The following ABAT variants were observed in gnomAD, a reference collection of about 807,000 sequenced individuals.
ABAT encodes 4-aminobutyrate aminotransferase, mitochondrial.
A neutral mutation model predicts 64.6 loss-of-function variants in ABAT; 45 were observed. The ratio of observed to expected loss-of-function variants is 0.70; its 90% CI spans 0.55 to 0.89. The LOEUF (loss-of-function observed/expected upper bound fraction) is 0.89. Ranked by LOEUF, ABAT falls within the 40% of genes least tolerant of loss-of-function variation. The pLI is 0.00. For synonymous variants in ABAT, 297 were observed against 250.5 expected, an observed-to-expected ratio of 1.19 and a Z score of -1.75; for missense variants, 633 against 658.4, an observed-to-expected ratio of 0.96 and a Z score of 0.42.
At chr16:8,696,114 A>G (rs2057696041) in intron 1 of ABAT, among the ~76,000 whole-genome samples, 1 of 152,232 alleles carries the variant, frequency 6.6e-6, no homozygotes. Flanking sequence ...AGTACAGGAC[A>G]GAGCTGGGAC....
At chr16:8,740,863 G>T (rs1454785988) in intron 2 of ABAT, among the ~76,000 whole-genome samples, 1 of 152,166 alleles carries the variant, frequency 6.6e-6, no homozygotes, top group Non-Finnish European at 1.5e-5. Flanking sequence ...AAATAAGTGG[G>T]GTGGACAGTT....
chr16:8,717,892 C>T (rs115923637), intron 1 of ABAT, among the ~76,000 whole-genome samples: 14 of 151,982 alleles, frequency 9.2e-5, no homozygotes, highest in South Asian at 2.1e-4. Context: ...TGGGCTCAAG[C>T]GATCCTCTCA....
intron 1 of ABAT, among the ~76,000 whole-genome samples, chr16:8,694,687 A>G (rs145382522): frequency 2.3e-3 from 353 of 152,234 alleles, no homozygotes; most frequent in African/African-American, 7.7e-3. Context: ...GCCAGCTATG[A>G]AAGATTTTGT....
At chr16:8,746,127 T>G in intron 3 of ABAT, 29 bp downstream of exon 3, 1 of 1,586,436 alleles carries the variant, frequency 6.3e-7, no homozygotes. Context: ...AGTGGGGTAT[T>G]TTGGAAAAGG....
intron 1 of ABAT, among the ~76,000 whole-genome samples, chr16:8,691,112 A>T (rs2057569844): frequency 6.6e-6 from 1 of 151,986 alleles, no homozygotes; most frequent in Admixed American, 6.6e-5. Flanking sequence ...GTCAAACCAC[A>T]CTTGCCCATA....
At position 8,707,577 on chromosome 16, in the gene ABAT, G is replaced by A. The variant is rs183479567; in HGVS notation, c.-41-28122G>A. ...CTCAAGCTGATGACCATGTAATTGT[G>A]GTTATGTTCAAGAAGTGAGAGCTAA... On this transcript the variant is annotated intron_variant, in intron 1 of 15. Transcript: ENST00000268251. 2.0e-5 allele frequency among the ~76,000 whole-genome samples: 3 copies of A among 152,084 alleles called. No homozygotes were observed. In the East Asian group the frequency reaches 5.8e-4, roughly 29 times the overall value.
chr16:8,748,450 G>C (rs1001404171), intron 4 of ABAT, among the ~76,000 whole-genome samples: 1 of 152,198 alleles, frequency 6.6e-6, no homozygotes, highest in Admixed American at 6.5e-5. Context: ...TTATGGCCTA[G>C]CGTATGGTCT....
intron 1 of ABAT, among the ~76,000 whole-genome samples, chr16:8,706,939 G>T (rs1331839155): frequency 6.6e-6 from 1 of 152,188 alleles, no homozygotes; most frequent in Non-Finnish European, 1.5e-5. Context: ...AATGGCAGGT[G>T]CAAAGGCCCT....
intron 1 of ABAT, among the ~76,000 whole-genome samples, chr16:8,691,327 A>T (rs1399027124): frequency 2.6e-5 from 4 of 152,086 alleles, no homozygotes; most frequent in African/African-American, 9.7e-5. Flanking sequence ...TGGGATTTGA[A>T]CCCCTTCACC....
intron 2 of ABAT, among the ~76,000 whole-genome samples, chr16:8,739,127 G>C (rs1440110523): frequency 6.6e-6 from 1 of 152,218 alleles, no homozygotes; most frequent in South Asian, 2.1e-4. Context: ...CAAGTGCTGT[G>C]CTGGGTATTA....
chr16:8,727,136 G>C (rs946664771), intron 1 of ABAT, among the ~76,000 whole-genome samples: 1 of 152,136 alleles, frequency 6.6e-6, no homozygotes, highest in East Asian at 1.9e-4. Context: ...CTCTTGTTCT[G>C]TGGGTTGCCT....
chr16:8,732,475 C>T lies in ABAT; in HGVS notation c.-41-3224C>T, dbSNP rs1035308222. Among the ~76,000 whole-genome samples, 45 of 150,996 alleles carry T rather than the reference C, an allele frequency of 3.0e-4. 1 individual carries two copies. Among genetic ancestry groups the T allele is most frequent in the Middle Eastern group, 3.4e-3 (1 of 294 alleles). ...CTGTTTAACAAAGCACATCTTGCAC[C>T]GCCCTTAATCCATTTAACCCTGAGT... On this transcript the variant is annotated intron_variant, in intron 1 of 15. Transcript: ENST00000268251.
chr16:8,754,340 G>A (rs1221461140), intron 5 of ABAT, among the ~76,000 whole-genome samples: 1 of 152,086 alleles, frequency 6.6e-6, no homozygotes, highest in Non-Finnish European at 1.5e-5. Flanking sequence ...GGGCAACAGA[G>A]TGAGACCATG....
intron 1 of ABAT, among the ~76,000 whole-genome samples, chr16:8,724,359 C>T (rs1043469146): frequency 1.3e-5 from 2 of 152,190 alleles, no homozygotes; most frequent in Non-Finnish European, 2.9e-5. Context: ...TTGTTCGCTG[C>T]TCCAAATAGG....
chr16:8,719,864 A>G (rs2142163183), intron 1 of ABAT, among the ~76,000 whole-genome samples: 1 of 152,112 alleles, frequency 6.6e-6, no homozygotes, highest in East Asian at 1.9e-4. Flanking sequence ...CAGGTTGGAG[A>G]GCAGTGGCAC....
intron 1 of ABAT, chr16:8,713,211 T>C (rs74008009): frequency 0.052 from 7,852 of 151,510 alleles, 240 homozygotes; most frequent in South Asian, 0.11. Flanking sequence ...ATCAGCAGAG[T>C]CCTGGGGAAG....
At chr16:8,699,535 G>A (rs1053981765) in intron 1 of ABAT, among the ~76,000 whole-genome samples, 37 of 152,114 alleles carry the variant, frequency 2.4e-4, no homozygotes, top group African/African-American at 8.7e-4. Flanking sequence ...TCCAGCCTGG[G>A]TGACTGACTG....
intron 1 of ABAT, among the ~76,000 whole-genome samples, chr16:8,711,844 A>T (rs112609450): frequency 0.046 from 6,924 of 151,972 alleles, 190 homozygotes; most frequent in Middle Eastern, 0.068. Context: ...GGATGGGAAG[A>T]TGGATGGAGA....
At chr16:8,710,681 A>C (rs1274088331) in intron 1 of ABAT, among the ~76,000 whole-genome samples, 1 of 142,960 alleles carries the variant, frequency 7.0e-6, no homozygotes, top group East Asian at 2.1e-4. Flanking sequence ...TTAAGGCTGC[A>C]CTGAGAGAGA....
Sources: allele counts gnomAD v4.1 joint callset (sites outside exome capture counted in the v4.1 genomes callset), GRCh38; gene constraint gnomAD v4.1.1; transcripts MANE v1.5; gene names NCBI Gene and HGNC (gene_info 2026-07-23, HGNC 2026-07-21).